Variants in PDSS2 observed in about 807,000 individuals in gnomAD.
PDSS2 encodes decaprenyl diphosphate synthase subunit 2, also known as all trans-polyprenyl-diphosphate synthase PDSS2.
A neutral mutation model predicts 44.5 loss-of-function variants in PDSS2; 31 were observed. The ratio of observed to expected loss-of-function variants is 0.70; its 90% CI spans 0.52 to 0.94. The LOEUF is 0.94. Among genes scored for constraint, PDSS2 ranks in the 40% least tolerant of loss-of-function variants. The pLI is 0.00. For missense variants in PDSS2, 452 were observed against 482.2 expected (o/e 0.94, Z 0.59); for synonymous variants, 157 against 180.3 (o/e 0.87, Z 1.03).
intron 1 of PDSS2, among the ~76,000 whole-genome samples, chr6:107,352,252 A>G (rs1035117653): frequency 6.6e-6 from 1 of 152,196 alleles, no homozygotes; most frequent in African/African-American, 2.4e-5. Flanking sequence ...ATATAACAGA[A>G]AAAGGTTCAC....
intron 1 of PDSS2, among the ~76,000 whole-genome samples, chr6:107,377,776 T>C (rs1262306024): frequency 6.6e-6 from 1 of 151,864 alleles, no homozygotes; most frequent in Non-Finnish European, 1.5e-5. Flanking sequence ...CTCAGTAAAC[T>C]ATCGCAAGGA....
intron 1 of PDSS2, among the ~76,000 whole-genome samples, chr6:107,445,532 A>C (rs891136933): frequency 6.6e-6 from 1 of 152,236 alleles, no homozygotes; most frequent in African/African-American, 2.4e-5. Context: ...AAATATTCAT[A>C]TTAAATGGGA....
rs1290150682 is a variant in PDSS2, at chr6:107,318,294, TCAA to T, written c.431+15901_431+15903del. 2.0e-5 allele frequency among the ~76,000 whole-genome samples: 3 copies of T among 152,038 alleles called. No homozygotes were observed. In the South Asian group the frequency reaches 6.2e-4, roughly 32 times the overall value. On this transcript the variant is annotated intron_variant, in intron 2 of 7. Coordinates refer to ENST00000369037, the MANE Select transcript of PDSS2 (RefSeq NM_020381.4). ...GTCTAAGAGGAAGTAGCTATCTACT[TCAA>T]CAACAGCTCTAACAGGAGACCAGAA...
intron 1 of PDSS2, among the ~76,000 whole-genome samples, chr6:107,425,221 T>C (rs1244306045): frequency 1.3e-5 from 2 of 152,114 alleles, no homozygotes; most frequent in African/African-American, 2.4e-5. Flanking sequence ...ATACAGTAAA[T>C]TGGTACCAGT....
chr6:107,318,789 C>A (rs2115158818), intron 2 of PDSS2, among the ~76,000 whole-genome samples: 1 of 152,196 alleles, frequency 6.6e-6, no homozygotes, highest in East Asian at 1.9e-4. Flanking sequence ...GAGTTCAAAA[C>A]CAGCCTAGGC....
intron 1 of PDSS2, among the ~76,000 whole-genome samples, chr6:107,408,485 C>G (rs1051655048): frequency 6.6e-6 from 1 of 152,148 alleles, no homozygotes; most frequent in Non-Finnish European, 1.5e-5. Flanking sequence ...ACTGAATCAG[C>G]TCAGCAGATT....
chr6:107,408,349 C>T (rs1409316751), intron 1 of PDSS2, among the ~76,000 whole-genome samples: 1 of 152,138 alleles, frequency 6.6e-6, no homozygotes, highest in Non-Finnish European at 1.5e-5. Context: ...ATTTAACACT[C>T]CTATACTTAT....
intron 2 of PDSS2, among the ~76,000 whole-genome samples, chr6:107,332,163 G>C (rs1180258778): frequency 6.6e-6 from 1 of 150,884 alleles, no homozygotes; most frequent in East Asian, 1.9e-4. Flanking sequence ...GGAATGCAAT[G>C]GCGCAATCTT....
At chr6:107,455,782 A>C (rs936216760) in intron 1 of PDSS2, among the ~76,000 whole-genome samples, 4 of 148,926 alleles carry the variant, frequency 2.7e-5, no homozygotes, top group African/African-American at 5.0e-5. Flanking sequence ...AAAAAAAAAA[A>C]ACTTAAGAAA....
intron 3 of PDSS2, among the ~76,000 whole-genome samples, chr6:107,270,648 G>A (rs79833062): frequency 0.028 from 4,224 of 152,164 alleles, 88 homozygotes; most frequent in East Asian, 0.061. Flanking sequence ...GTTGCTTAAC[G>A]TAGTAAAAAC....
intron 1 of PDSS2, among the ~76,000 whole-genome samples, chr6:107,402,530 A>ATT (rs1317958997): frequency 1.1e-4 from 6 of 55,104 alleles, no homozygotes; most frequent in African/African-American, 2.3e-4. Flanking sequence ...ATATACATAC[A>ATT]TTTTATATAT....
chr6:107,280,624 C>A (rs1775929329), intron 2 of PDSS2, among the ~76,000 whole-genome samples: 1 of 152,112 alleles, frequency 6.6e-6, no homozygotes, highest in African/African-American at 2.4e-5. Flanking sequence ...ATTTGCCTAT[C>A]CATTCATTCC....
At position 107,335,413 on chromosome 6, in the gene PDSS2, T is replaced by G. The variant is rs111404568; in HGVS notation, c.297-1081A>C. Among the ~76,000 whole-genome samples the G allele has an allele frequency of 2.4e-3, 359 of 152,310 alleles. 5 individuals carry two copies. Among genetic ancestry groups the G allele is most frequent in the African/African-American group, 8.4e-3 (349 of 41,562 alleles). ...TGGTAAACAGTAGTAAAAAATGATT[T>G]GTTTTCACAGGTAGAGAAGGAGCTC... On this transcript the variant is annotated intron_variant, in intron 1 of 7. Transcript: ENST00000369037.
intron 6 of PDSS2, among the ~76,000 whole-genome samples, chr6:107,196,185 T>C (rs939858666): frequency 6.6e-6 from 1 of 152,234 alleles, no homozygotes; most frequent in Non-Finnish European, 1.5e-5. Flanking sequence ...TATTCGTTTG[T>C]CTGTTTATGG....
chr6:107,254,027 C>T (rs1240455771), intron 3 of PDSS2, among the ~76,000 whole-genome samples: 2 of 147,886 alleles, frequency 1.4e-5, no homozygotes, highest in African/African-American at 5.0e-5. Context: ...CTTTTTCTTT[C>T]TTTCTTTCTT....
At chr6:107,455,286 T>C (rs983774924) in intron 1 of PDSS2, among the ~76,000 whole-genome samples, 7 of 150,410 alleles carry the variant, frequency 4.7e-5, no homozygotes, top group South Asian at 4.3e-4. Flanking sequence ...TGCAACTAAG[T>C]AGACGAACTA....
chr6:107,305,871 G>A (rs1430116682), intron 2 of PDSS2, among the ~76,000 whole-genome samples: 1 of 152,130 alleles, frequency 6.6e-6, no homozygotes, highest in Non-Finnish European at 1.5e-5. Context: ...AGTCTAGTGC[G>A]GAGGGGCCTT....
At chr6:107,404,974 A>G (rs1455070465) in intron 1 of PDSS2, among the ~76,000 whole-genome samples, 3 of 152,216 alleles carry the variant, frequency 2.0e-5, no homozygotes, top group Non-Finnish European at 4.4e-5. Context: ...TCACTTCAAC[A>G]CAGAGTCATC....
intron 4 of PDSS2, among the ~76,000 whole-genome samples, chr6:107,235,058 A>C (rs901891221): frequency 2.0e-5 from 3 of 152,222 alleles, no homozygotes; most frequent in African/African-American, 7.2e-5. Context: ...AAGAAATGGG[A>C]AATAAATGAG....
Sources: gnomAD v4.1 joint callset for allele counts (sites outside exome capture counted in the v4.1 genomes callset) on GRCh38, gnomAD v4.1.1 for gene constraint, MANE v1.5 for transcripts, NCBI Gene and HGNC (gene_info 2026-07-23, HGNC 2026-07-21) for gene names.